CAPSL: variants seen among roughly 807,000 people sequenced by gnomAD.
CAPSL encodes the protein calcyphosine like.
CAPSL carries 17 observed loss-of-function variants against 21.3 expected under a neutral mutation model. The observed-to-expected ratio is 0.80, with a 90% confidence interval of 0.55 to 1.20. CAPSL has a LOEUF of 1.20. Among genes scored for constraint, CAPSL ranks in the 50% most tolerant of loss-of-function variants. CAPSL has a pLI of 0.00. For missense variants in CAPSL, 289 were observed against 259.3 expected, an observed-to-expected ratio of 1.11 and a Z score of -0.79; for synonymous variants, 102 against 89.3, an observed-to-expected ratio of 1.14 and a Z score of -0.80.
intron 1 of CAPSL, among the ~76,000 whole-genome samples, chr5:35,923,082 T>C (rs1036138536): frequency 2.0e-5 from 3 of 152,208 alleles, no homozygotes; most frequent in African/African-American, 4.8e-5. Flanking sequence ...TCATCTTTCC[T>C]GACCCTTGAC....
At chr5:35,911,682 C>T (rs1039075257) in intron 2 of CAPSL, among the ~76,000 whole-genome samples, 13 of 152,070 alleles carry the variant, frequency 8.5e-5, no homozygotes, top group Admixed American at 6.5e-4. Flanking sequence ...AAATTATGGG[C>T]CTTAGTTAAT....
chr5:35,905,184 G>C (rs562179926), intron 4 of CAPSL, among the ~76,000 whole-genome samples: 2 of 152,270 alleles, frequency 1.3e-5, no homozygotes, highest in Admixed American at 1.3e-4. Context: ...GCTTACCCCT[G>C]CTTCATGCCT....
intron 1 of CAPSL, among the ~76,000 whole-genome samples, chr5:35,935,942 G>A (rs1738935265): frequency 6.6e-6 from 1 of 152,164 alleles, no homozygotes; most frequent in African/African-American, 2.4e-5. Flanking sequence ...AGACTGAAGT[G>A]CAGCTGAATA....
intron 2 of CAPSL, among the ~76,000 whole-genome samples, chr5:35,919,729 G>A (rs1738487076): frequency 6.6e-6 from 1 of 152,172 alleles, no homozygotes; most frequent in South Asian, 2.1e-4. Context: ...CTTGAGTTAG[G>A]AGTTACTTAG....
chr5:35,924,688 G>A (rs1325023106), intron 1 of CAPSL, among the ~76,000 whole-genome samples: 2 of 152,142 alleles, frequency 1.3e-5, no homozygotes, highest in African/African-American at 4.8e-5. Flanking sequence ...CTCTTTTCGA[G>A]GCACTATGCT....
rs916881613 is a variant in CAPSL at position 35,921,001 on chromosome 5, C to A, written c.120G>T (p.Gly40=). 4.3e-6 allele frequency: 7 copies of A among 1,613,968 alleles called. No homozygotes were observed. The highest frequency in any genetic ancestry group is 3.4e-6 in the Non-Finnish European group (4 of 1,179,948). ...GGTCCTACCTGCCAAGTCCTTTGAT[C>A]CCAGCAGAGCCCCTGGCCAGGCACT... is the stretch of plus-strand genomic sequence containing the variant. ...RLQCLARGSA[G]IKGLGRVFRI... Residue 40 remains glycine, a synonymous_variant, in exon 2 of 5, where the codon GGG becomes GGT. Coordinates refer to ENST00000651391, the MANE Select transcript of CAPSL (RefSeq NM_001042625.2).
At chr5:35,909,409 G>T (rs1437403574) in intron 4 of CAPSL, among the ~76,000 whole-genome samples, 4 of 152,150 alleles carry the variant, frequency 2.6e-5, no homozygotes, top group African/African-American at 9.7e-5. Flanking sequence ...GAGGATGAGT[G>T]TGAAGGCACT....
chr5:35,910,961 G>A (rs967859558), intron 2 of CAPSL, among the ~76,000 whole-genome samples: 1 of 152,212 alleles, frequency 6.6e-6, no homozygotes, highest in African/African-American at 2.4e-5. Context: ...TTAAAAAAAT[G>A]ATTTAGGAAG....
chr5:35,914,810 A>G (rs537265716), intron 2 of CAPSL, among the ~76,000 whole-genome samples: 12 of 152,350 alleles, frequency 7.9e-5, no homozygotes, highest in African/African-American at 2.9e-4. Flanking sequence ...CTAGAGAAGC[A>G]AGAGCAAACA....
Position 35,904,597 on chromosome 5 carries a change from A to G in CAPSL, c.575T>C (p.Ile192Thr), listed in dbSNP as rs142885809. 2.6e-5 allele frequency: 42 copies of G among 1,612,778 alleles called. No homozygotes were observed. The East Asian group carries it at 6.3e-4, about 24-fold the overall frequency. Residue 192 changes from isoleucine (I) to threonine (T), a missense_variant, in exon 5 of 5, where the codon ATT becomes ACT. Transcript: ENST00000651391. ...MNYYAGVSASIDTDVYFIIMM... is the reference protein window; with the variant it reads ...MNYYAGVSASTDTDVYFIIMM... ...GATGATGAAGTACACATCAGTGTCA[A>G]TGGATGCGCTCACACCTGCATAGTA...
chr5:35,919,284 C>G, intron 2 of CAPSL, among the ~76,000 whole-genome samples: 1 of 151,140 alleles, frequency 6.6e-6, no homozygotes, highest in Non-Finnish European at 1.5e-5. Flanking sequence ...TCAGGAGTAG[C>G]CAAGTTGTCT....
intron 1 of CAPSL, among the ~76,000 whole-genome samples, chr5:35,934,937 C>A (rs767581249): frequency 7.9e-5 from 12 of 152,154 alleles, no homozygotes; most frequent in Non-Finnish European, 1.6e-4. Flanking sequence ...AGGAAACCTA[C>A]CCCTCTTGCA....
At chr5:35,932,367 T>G (rs2149933734) in intron 1 of CAPSL, among the ~76,000 whole-genome samples, 1 of 152,274 alleles carries the variant, frequency 6.6e-6, no homozygotes, top group Admixed American at 6.5e-5. Flanking sequence ...ATAATATTCC[T>G]ACATAATAGC....
At chr5:35,914,264 A>G (rs1212163596) in intron 2 of CAPSL, among the ~76,000 whole-genome samples, 1 of 152,190 alleles carries the variant, frequency 6.6e-6, no homozygotes, top group Non-Finnish European at 1.5e-5. Flanking sequence ...ATAATGGGAG[A>G]CTTTACCACC....
intron 2 of CAPSL, 29 bp downstream of exon 2, chr5:35,920,955 A>G: frequency 6.2e-7 from 1 of 1,610,386 alleles, no homozygotes; most frequent in Non-Finnish European, 8.5e-7. Context: ...TTCCCGCTCC[A>G]TTCCCTGCCA....
In CAPSL at chr5:35,921,126, G is replaced by A; in HGVS notation, c.1-6C>T. On this transcript the variant is annotated splice_region_variant and splice_polypyrimidine_tract_variant and intron_variant, in intron 1 of 4. Coordinates refer to ENST00000651391, the MANE Select transcript of CAPSL (RefSeq NM_001042625.2). ...TGGCGCGCTGTCCCTGCCATCTGAG[G>A]GGAAGCCATAGCATGTTAGCAAAGT... 6.2e-7 allele frequency: 1 copy of A among 1,613,568 alleles called. No individual in the cohort carries two copies. The highest frequency in any genetic ancestry group is 8.5e-7 in the Non-Finnish European group (1 of 1,179,904).
intron 1 of CAPSL, among the ~76,000 whole-genome samples, chr5:35,937,663 G>T (rs563964002): frequency 6.6e-6 from 1 of 152,128 alleles, no homozygotes; most frequent in Non-Finnish European, 1.5e-5. Context: ...CATATCATCA[G>T]GGCTTAGCAG....
intron 1 of CAPSL, among the ~76,000 whole-genome samples, chr5:35,929,379 G>A (rs761211156): frequency 2.1e-5 from 3 of 143,042 alleles, no homozygotes; most frequent in Middle Eastern, 3.7e-3. Flanking sequence ...TGCAATCTCC[G>A]CCTCCCGGGT....
intron 1 of CAPSL, among the ~76,000 whole-genome samples, chr5:35,922,325 C>A (rs564425580): frequency 1.3e-5 from 2 of 152,126 alleles, no homozygotes; most frequent in Non-Finnish European, 2.9e-5. Context: ...ATAACTGAGG[C>A]CAGAATAGAC....
Sources: gnomAD v4.1 joint callset for allele counts (sites outside exome capture counted in the v4.1 genomes callset) on GRCh38, gnomAD v4.1.1 for gene constraint, MANE v1.5 for transcripts, NCBI Gene and HGNC (gene_info 2026-07-23, HGNC 2026-07-21) for gene names.